The following MGMT variants were observed in gnomAD, a reference collection of about 807,000 sequenced individuals.
The protein encoded by MGMT is O-6-methylguanine-DNA methyltransferase.
A neutral mutation model predicts 15.9 loss-of-function variants in MGMT; 14 were observed. The ratio of observed to expected loss-of-function variants is 0.88; its 90% CI spans 0.58 to 1.37. The LOEUF (loss-of-function observed/expected upper bound fraction) is 1.37, where lower values mean the gene tolerates loss of function less well. MGMT is among the 40% of genes most tolerant of loss of function. The probability of loss-of-function intolerance (pLI) is 0.00; values close to 1 mark genes in which losing one functional copy is unlikely to be tolerated. For missense variants in MGMT, 282 were observed against 268.1 expected (o/e 1.05, Z -0.36); for synonymous variants, 130 against 118.2 (o/e 1.10, Z -0.65).
At chr10:129,673,979 G>A (rs1352194280) in intron 2 of MGMT, among the ~76,000 whole-genome samples, 1 of 152,138 alleles carries the variant, frequency 6.6e-6, no homozygotes, top group South Asian at 2.1e-4. Context: ...ACAAGTAACT[G>A]AATTTTAATT....
At chr10:129,719,295 A>G (rs1322341903) in intron 3 of MGMT, among the ~76,000 whole-genome samples, 1 of 152,188 alleles carries the variant, frequency 6.6e-6, no homozygotes, top group African/African-American at 2.4e-5. Context: ...ATATACTGTC[A>G]CCATGTGGGC....
intron 2 of MGMT, among the ~76,000 whole-genome samples, chr10:129,639,211 G>GGT (rs1433265285): frequency 1.3e-5 from 2 of 151,958 alleles, no homozygotes; most frequent in Non-Finnish European, 2.9e-5. Context: ...ATAGATTAAA[G>GGT]GTAAGATATC....
chr10:129,547,259 C>T (rs185412047), intron 2 of MGMT, among the ~76,000 whole-genome samples: 72 of 152,268 alleles, frequency 4.7e-4, no homozygotes, highest in African/African-American at 1.6e-3. Flanking sequence ...CTGCTGGGGG[C>T]GTTAACCCAC....
Position 129,588,823 on chromosome 10 carries a change from T to C in MGMT, c.125+52446T>C, listed in dbSNP as rs1189169131. Among the ~76,000 whole-genome samples, 8 of 152,386 alleles carry C rather than the reference T, an allele frequency of 5.2e-5. No individual in the cohort carries two copies. In the South Asian group the frequency reaches 1.7e-3, roughly 32 times the overall value. On this transcript the variant is annotated intron_variant, in intron 2 of 4. Transcript: ENST00000651593. ...AGTGCTCAACAATTTGGAGCTGGTA[T>C]CTTTACACTTACCACGTTGAATATT... is the stretch of plus-strand genomic sequence containing the variant.
chr10:129,639,353 C>G (rs1847301474), intron 2 of MGMT, among the ~76,000 whole-genome samples: 1 of 152,094 alleles, frequency 6.6e-6, no homozygotes, highest in Admixed American at 6.6e-5. Context: ...GGCTATGTAC[C>G]TGACAACAGA....
intron 3 of MGMT, among the ~76,000 whole-genome samples, chr10:129,734,634 G>C (rs896707317): frequency 1.3e-5 from 2 of 152,154 alleles, no homozygotes; most frequent in South Asian, 4.2e-4. Flanking sequence ...TCCCTGTCTT[G>C]TGCCAGTTTT....
At chr10:129,741,834 G>A (rs1358040589) in intron 3 of MGMT, among the ~76,000 whole-genome samples, 1 of 152,202 alleles carries the variant, frequency 6.6e-6, no homozygotes, top group African/African-American at 2.4e-5. Context: ...ATGACCCAAA[G>A]CCTGTGTCAG....
intron 1 of MGMT, among the ~76,000 whole-genome samples, chr10:129,482,783 T>C (rs1024799702): frequency 7.9e-5 from 12 of 152,216 alleles, no homozygotes; most frequent in African/African-American, 2.9e-4. Context: ...TTCTTGTCAT[T>C]ACATTTAATG....
At chr10:129,703,934 C>T (rs1333244094) in intron 2 of MGMT, among the ~76,000 whole-genome samples, 1 of 152,128 alleles carries the variant, frequency 6.6e-6, no homozygotes, top group Non-Finnish European at 1.5e-5. Context: ...CACGCTTGCT[C>T]TTCCTGTCTG....
intron 2 of MGMT, among the ~76,000 whole-genome samples, chr10:129,692,423 T>C (rs531502815): frequency 6.6e-6 from 1 of 152,338 alleles, no homozygotes; most frequent in African/African-American, 2.4e-5. Flanking sequence ...AGAAGATCTC[T>C]GTCATAGCTA....
Position 129,652,832 on chromosome 10 carries a change from C to G in MGMT, c.126-55063C>G, listed in dbSNP as rs566756656. ...ACGTGTGGGACCCTCCCAAGCGTGC[C>G]CGTGCACCCATGCAGCTGTGGCCGC... is the stretch of plus-strand genomic sequence containing the variant. On this transcript the variant is annotated intron_variant, in intron 2 of 4. Coordinates refer to ENST00000651593, the MANE Select transcript of MGMT (RefSeq NM_002412.5). 2.3e-3 allele frequency among the ~76,000 whole-genome samples: 356 copies of G among 152,312 alleles called. 1 individual carries two copies. Among genetic ancestry groups the G allele is most frequent in the African/African-American group, 8.1e-3 (338 of 41,576 alleles).
chr10:129,585,343 G>A (rs1178785118), intron 2 of MGMT, among the ~76,000 whole-genome samples: 1 of 152,178 alleles, frequency 6.6e-6, no homozygotes, highest in Non-Finnish European at 1.5e-5. Context: ...GCATTATTGA[G>A]ATGTAAATGA....
intron 2 of MGMT, among the ~76,000 whole-genome samples, chr10:129,652,215 G>A (rs1274064981): frequency 5.3e-5 from 8 of 152,228 alleles, no homozygotes; most frequent in Non-Finnish European, 7.3e-5. Flanking sequence ...TCGGGGGGCC[G>A]GCCATGCGGA....
At chr10:129,609,379 T>C (rs1489887784) in intron 2 of MGMT, among the ~76,000 whole-genome samples, 3 of 150,310 alleles carry the variant, frequency 2.0e-5, no homozygotes, top group Admixed American at 6.6e-5. Context: ...CCCATCCGGA[T>C]GATAGAGGTG....
intron 2 of MGMT, among the ~76,000 whole-genome samples, chr10:129,675,939 G>A (rs939240992): frequency 2.6e-5 from 4 of 152,104 alleles, no homozygotes; most frequent in Non-Finnish European, 5.9e-5. Flanking sequence ...AGGGGCAGGC[G>A]CTGCTCAGTT....
intron 2 of MGMT, among the ~76,000 whole-genome samples, chr10:129,590,718 G>A (rs1589882741): frequency 6.6e-6 from 1 of 152,140 alleles, no homozygotes; most frequent in African/African-American, 2.4e-5. Flanking sequence ...AGCAAGATAG[G>A]GTATACGGGC....
At chr10:129,475,208 C>T (rs1478001490) in intron 1 of MGMT, among the ~76,000 whole-genome samples, 1 of 151,658 alleles carries the variant, frequency 6.6e-6, no homozygotes, top group African/African-American at 2.4e-5. Flanking sequence ...ATGAGGGTCA[C>T]GGGGTGGGGT....
intron 1 of MGMT, among the ~76,000 whole-genome samples, chr10:129,484,975 A>G (rs532296708): frequency 1.3e-5 from 2 of 150,690 alleles, no homozygotes; most frequent in African/African-American, 2.4e-5. Context: ...TATTAAATAT[A>G]TATGTATTAC....
At chr10:129,530,335 T>A (rs35468496) in intron 1 of MGMT, among the ~76,000 whole-genome samples, 8,947 of 152,326 alleles carry the variant, frequency 0.059, 372 homozygotes, top group Admixed American at 0.081. Context: ...AAAAATAAAC[T>A]GATTTTGGAA....
Sources: allele counts gnomAD v4.1 joint callset (sites outside exome capture counted in the v4.1 genomes callset), GRCh38; gene constraint gnomAD v4.1.1; transcripts MANE v1.5; gene names NCBI Gene and HGNC (gene_info 2026-07-23, HGNC 2026-07-21).